The following OTUB2 variants were observed in gnomAD, a reference collection of about 807,000 sequenced individuals.
OTUB2 encodes OTU deubiquitinase, ubiquitin aldehyde binding 2.
In OTUB2, 21 loss-of-function variants were observed where a neutral mutation model predicts 25.1. The ratio of observed to expected loss-of-function variants is 0.84; its 90% CI spans 0.59 to 1.21. The LOEUF is 1.21. OTUB2 is among the 50% of genes most tolerant of loss of function. The pLI is 0.00. For missense variants in OTUB2, 283 were observed against 298.0 expected (o/e 0.95, Z 0.37); for synonymous variants, 122 against 122.8 (o/e 0.99, Z 0.04).
In OTUB2 at chr14:94,045,935, CA is replaced by C; in HGVS notation, c.*14del. ...CGATAAACATTGATTAATTTTAGGCCATGCAGTGGAACCTGTCACCTAATGG... is the reference window on the plus strand; with the variant it reads ...CGATAAACATTGATTAATTTTAGGCCTGCAGTGGAACCTGTCACCTAATGG... On this transcript the variant is annotated 3_prime_UTR_variant, in exon 6 of 6. Transcript: ENST00000203664. 1 of 1,612,138 alleles carries C rather than the reference CA, an allele frequency of 6.2e-7. No homozygotes were observed. The highest frequency in any genetic ancestry group is 8.5e-7 in the Non-Finnish European group (1 of 1,178,248).
chr14:94,044,753 G>GATGGACATCAAAGACTTCTGCACTCACGT lies in OTUB2; in HGVS notation c.473_498+3dup. ...TCTTCCGGCACTTCATTGATGAGGAGATGGACATCAAAGACTTCTGCACTC... is the reference window on the plus strand; with the variant it reads ...TCTTCCGGCACTTCATTGATGAGGAGATGGACATCAAAGACTTCTGCACTCACGTATGGACATCAAAGACTTCTGCACTC... On this transcript the variant is annotated frameshift_variant, in exon 5 of 6. Transcript: ENST00000203664. LOFTEE classifies it high-confidence loss of function. The GATGGACATCAAAGACTTCTGCACTCACGT allele has an allele frequency of 6.2e-7, 1 of 1,613,480 alleles. No homozygotes were observed. The highest frequency in any genetic ancestry group is 8.5e-7 in the Non-Finnish European group (1 of 1,179,990).
chr14:94,042,224 C>T (rs768173952), intron 3 of OTUB2, among the ~76,000 whole-genome samples: 8 of 152,242 alleles, frequency 5.3e-5, no homozygotes, highest in Non-Finnish European at 1.0e-4. Context: ...AACAGAGCCT[C>T]ATAGAGGTCA....
At position 94,046,262 on chromosome 14, in the gene OTUB2, A is replaced by C. The variant is rs1885273656; in HGVS notation, c.*340A>C. The C allele has an allele frequency of 2.6e-6, 1 of 387,152 alleles. No homozygotes were observed. The highest frequency in any genetic ancestry group is 2.0e-5 in the African/African-American group (1 of 49,432). The allele number at this position is 387,152 out of a possible 1,614,324, so 24.0% of individuals were successfully genotyped here. ...TATGCTGACATTCCATTGTAGAAAA[A>C]TGGGGCCTCTGGTGTCTCTTTACCA... On this transcript the variant is annotated 3_prime_UTR_variant, in exon 6 of 6. Transcript: ENST00000203664.
chr14:94,029,758 A>G (rs925499529), intron 1 of OTUB2, among the ~76,000 whole-genome samples: 87 of 152,352 alleles, frequency 5.7e-4, no homozygotes, highest in African/African-American at 2.0e-3. Flanking sequence ...GGCACTGAGG[A>G]GCCAGCACTG....
intron 1 of OTUB2, among the ~76,000 whole-genome samples, chr14:94,026,759 T>C (rs1391320082): frequency 2.0e-5 from 3 of 151,862 alleles, no homozygotes; most frequent in Non-Finnish European, 2.9e-5. Flanking sequence ...GCTGAGGAGG[T>C]CCAGCTCGGC....
rs764247331 is a variant in OTUB2, at chr14:94,044,654, C to T, written c.372C>T (p.Asp124=). ...CCAGCCTGCTGAAGGTGTTCAACGA[C>T]CAGAGTGCCTCGGACCACATCGTGC... ...SVSSLLKVFN[D]QSASDHIVQF... Residue 124 remains aspartate, a synonymous_variant, in exon 5 of 6, where the codon GAC becomes GAT. Coordinates refer to ENST00000203664, the MANE Select transcript of OTUB2 (RefSeq NM_023112.4). 4 of 1,614,058 alleles carry T rather than the reference C, an allele frequency of 2.5e-6. No individual in the cohort carries two copies. The highest frequency in any genetic ancestry group is 2.2e-5 in the South Asian group (2 of 91,086).
chr14:94,045,554 C>A (rs1885257087), intron 5 of OTUB2, among the ~76,000 whole-genome samples, 162 bp from the exon 6 acceptor site: 1 of 152,168 alleles, frequency 6.6e-6, no homozygotes, highest in Non-Finnish European at 1.5e-5. Context: ...AGGCTGTTTC[C>A]CGTGTGGCAT....
rs750433007 is a variant in OTUB2 at position 94,044,736 on chromosome 14, C to T, written c.454C>T (p.His152Tyr). The T allele has an allele frequency of 1.2e-6, 2 of 1,613,832 alleles. No homozygotes were observed. The highest frequency in any genetic ancestry group is 1.7e-6 in the Non-Finnish European group (2 of 1,180,032). ...CAGGAACCGAGCAGACTTCTTCCGGCACTTCATTGATGAGGAGATGGACAT... is the reference window on the plus strand; with the variant it reads ...CAGGAACCGAGCAGACTTCTTCCGGTACTTCATTGATGAGGAGATGGACAT... ...FIRNRADFFR[H>Y]FIDEEMDIKD... Residue 152 changes from histidine to tyrosine, a missense_variant, in exon 5 of 6, where the codon CAC (histidine) becomes TAC (tyrosine). By Grantham distance (83) the His-to-Tyr change is moderately conservative (BLOSUM62 2). Transcript: ENST00000203664.
Position 94,037,392 on chromosome 14 carries a change from T to C in OTUB2, c.16T>C (p.Phe6Leu). MSETS[F>L]NLISEKCDIL... ...CCCTATCTTTCAGAGTGAAACATCT[T>C]TCAACCTAATATCAGAAAAATGTGA... Residue 6 changes from phenylalanine (F) to leucine (L), a missense_variant, in exon 2 of 6, where the codon TTC (phenylalanine) becomes CTC (leucine). Coordinates refer to ENST00000203664, the MANE Select transcript of OTUB2 (RefSeq NM_023112.4). 1 of 1,589,946 alleles carries C rather than the reference T, an allele frequency of 6.3e-7. No homozygotes were observed. The highest frequency in any genetic ancestry group is 1.3e-5 in the African/African-American group (1 of 74,450).
chr14:94,045,810 A>G lies in OTUB2; in HGVS notation c.593A>G (p.Glu198Gly). 6.2e-7 allele frequency: 1 copy of G among 1,614,230 alleles called. No individual in the cohort carries two copies. Among genetic ancestry groups the G allele is most frequent in the Non-Finnish European group, 8.5e-7 (1 of 1,180,048 alleles). Reference protein sequence around the residue: ...SIALQVEYVDEMDTALNHHVF... With the variant: ...SIALQVEYVDGMDTALNHHVF... Reference sequence around the variant, plus strand: ...GCCCTGCAAGTGGAGTACGTGGACGAGATGGATACCGCCCTGAACCACCAC... The same window carrying G: ...GCCCTGCAAGTGGAGTACGTGGACGGGATGGATACCGCCCTGAACCACCAC... Residue 198 changes from glutamate (E) to glycine (G), a missense_variant, in exon 6 of 6, where the codon GAG becomes GGG. Transcript: ENST00000203664.
At chr14:94,030,851 C>T (rs1016060757) in intron 1 of OTUB2, among the ~76,000 whole-genome samples, 2 of 151,990 alleles carry the variant, frequency 1.3e-5, no homozygotes, top group South Asian at 2.1e-4. Flanking sequence ...CCGGGAAACC[C>T]GGGAGCCTCT....
chr14:94,046,064 G>A lies in OTUB2; in HGVS notation c.*142G>A. On this transcript the variant is annotated 3_prime_UTR_variant, in exon 6 of 6. Transcript: ENST00000203664. ...TTTGGGCAAAGCCCCTGGGAACGAG[G>A]CCTATCCACTATGGACTATGGTAAC... 1 of 876,004 alleles carries A rather than the reference G, an allele frequency of 1.1e-6. No individual in the cohort carries two copies. The highest frequency in any genetic ancestry group is 2.2e-5 in the Admixed American group (1 of 45,400). The allele number at this position is 876,004 out of a possible 1,614,324, so 54.3% of individuals were successfully genotyped here. A position where few individuals can be genotyped will look rare whatever the true frequency, so the allele number is the denominator to read the frequency against.
chr14:94,036,236 T>A (rs1456650485), intron 1 of OTUB2, among the ~76,000 whole-genome samples: 2 of 151,968 alleles, frequency 1.3e-5, no homozygotes, highest in African/African-American at 2.4e-5. Context: ...CGGTGTGACA[T>A]GAAAAAGGCC....
chr14:94,037,036 G>A (rs11624273), intron 1 of OTUB2, among the ~76,000 whole-genome samples: 12,032 of 152,262 alleles, frequency 0.079, 501 homozygotes, highest in Middle Eastern at 0.16. Flanking sequence ...ATGAATGAGA[G>A]AAGAGGGATG....
chr14:94,027,327 C>G (rs1884884860), intron 1 of OTUB2, among the ~76,000 whole-genome samples: 1 of 152,204 alleles, frequency 6.6e-6, no homozygotes, highest in South Asian at 2.1e-4. Context: ...ATCGGCTCAC[C>G]TTCCAGGTTG....
rs1884858246 is a variant in OTUB2, at chr14:94,026,389, G to A, written c.-149G>A. On this transcript the variant is annotated 5_prime_UTR_variant, in exon 1 of 6. Coordinates refer to ENST00000203664, the MANE Select transcript of OTUB2 (RefSeq NM_023112.4). Reference sequence around the variant, plus strand: ...AGTGGAGGTCTAACCTTTGGTTTGCGGAGCGGTCGGGTGTATTCTCCGCCG... The same window carrying A: ...AGTGGAGGTCTAACCTTTGGTTTGCAGAGCGGTCGGGTGTATTCTCCGCCG... The A allele has an allele frequency of 4.0e-6, 5 of 1,259,292 alleles. No homozygotes were observed. Among genetic ancestry groups the A allele is most frequent in the South Asian group, 2.8e-5 (1 of 36,178 alleles). The allele number at this position is 1,259,292 out of a possible 1,614,324, so 78.0% of individuals were successfully genotyped here. A position where few individuals can be genotyped will look rare whatever the true frequency, so the allele number is the denominator to read the frequency against.
At chr14:94,040,653 C>T (rs189973964) in intron 3 of OTUB2, among the ~76,000 whole-genome samples, 49 of 152,358 alleles carry the variant, frequency 3.2e-4, no homozygotes, top group Middle Eastern at 6.8e-3. Context: ...CTCCCCACTC[C>T]AGTCAGCACA....
At chr14:94,044,450 T>TAG in intron 4 of OTUB2, 136 bp from the exon 5 acceptor site, 1 of 957,574 alleles carries the variant, frequency 1.0e-6, no homozygotes. Context: ...CTCAGACTGA[T>TAG]TTTCTAACTC....
intron 1 of OTUB2, among the ~76,000 whole-genome samples, chr14:94,034,299 G>A (rs1157176671): frequency 2.0e-5 from 3 of 152,202 alleles, no homozygotes; most frequent in African/African-American, 7.2e-5. Context: ...CCAGGATCAG[G>A]AGCTGGATGG....
Sources: gnomAD v4.1 joint callset for allele counts (sites outside exome capture counted in the v4.1 genomes callset) on GRCh38, gnomAD v4.1.1 for gene constraint, MANE v1.5 for transcripts, NCBI Gene and HGNC (gene_info 2026-07-23, HGNC 2026-07-21) for gene names.